Variants in TLN2 observed in about 807,000 individuals in gnomAD.
TLN2 encodes the protein talin-2.
A neutral mutation model predicts 294.7 loss-of-function variants in TLN2; 118 were observed. The observed-to-expected ratio is 0.40, with a 90% confidence interval of 0.34 to 0.47. The LOEUF (loss-of-function observed/expected upper bound fraction) is 0.47. Among genes scored for constraint, TLN2 ranks in the 20% least tolerant of loss-of-function variants. TLN2 has a pLI of 0.84. For synonymous variants in TLN2, 1,431 were observed against 1,304.5 expected (o/e 1.10, Z -2.09); for missense variants, 3,083 against 3,282.2 (o/e 0.94, Z 1.48).
intron 30 of TLN2, 125 bp from the exon 31 acceptor site, chr15:62,739,223 A>G: frequency 9.3e-7 from 1 of 1,074,834 alleles, no homozygotes; most frequent in Non-Finnish European, 1.3e-6. Flanking sequence ...GATGACTCAG[A>G]GCCTTTTAAT....
At chr15:62,551,020 A>G (rs903186116) in intron 1 of TLN2, among the ~76,000 whole-genome samples, 6 of 152,196 alleles carry the variant, frequency 3.9e-5, no homozygotes, top group African/African-American at 1.4e-4. Flanking sequence ...AGAAAGTCCC[A>G]TCTGGGGTTG....
chr15:62,788,588 G>C (rs2064861225), intron 45 of TLN2, among the ~76,000 whole-genome samples: 1 of 152,136 alleles, frequency 6.6e-6, no homozygotes, highest in Admixed American at 6.5e-5. Context: ...GTAAACCCAG[G>C]CTCAGGGAAC....
chr15:62,422,976 C>T (rs1420782068), intron 1 of TLN2, among the ~76,000 whole-genome samples: 4 of 152,194 alleles, frequency 2.6e-5, no homozygotes, highest in Admixed American at 2.6e-4. Flanking sequence ...CAGACAGCTT[C>T]CTTTGGAGGC....
At chr15:62,392,698 C>G (rs949613001) in intron 1 of TLN2, among the ~76,000 whole-genome samples, 1 of 152,112 alleles carries the variant, frequency 6.6e-6, no homozygotes, top group South Asian at 2.1e-4. Flanking sequence ...TTTGTCGGCA[C>G]TTCCGGTCTT....
At chr15:62,653,021 C>T in intron 6 of TLN2, 141 bp from the exon 7 acceptor site, 1 of 525,778 alleles carries the variant, frequency 1.9e-6, no homozygotes, top group Non-Finnish European at 3.1e-6. Flanking sequence ...TTGATGTGGC[C>T]ACCTCCCTGA....
chr15:62,416,909 C>T (rs1002787896), intron 1 of TLN2, among the ~76,000 whole-genome samples: 3 of 152,152 alleles, frequency 2.0e-5, no homozygotes, highest in Non-Finnish European at 2.9e-5. Context: ...GCTGTGATGC[C>T]ATGGCATGGG....
At chr15:62,468,961 G>T (rs2037312565) in intron 1 of TLN2, among the ~76,000 whole-genome samples, 1 of 152,118 alleles carries the variant, frequency 6.6e-6, no homozygotes, top group Non-Finnish European at 1.5e-5. Context: ...CCCAGAAAAC[G>T]GCTGCTGTAA....
At chr15:62,797,178 T>C in intron 47 of TLN2, 41 bp from the exon 48 acceptor site, 3 of 1,610,558 alleles carry the variant, frequency 1.9e-6, no homozygotes, top group Non-Finnish European at 1.7e-6. Context: ...AGCTTTGCCC[T>C]CTGTCTCTCC....
chr15:62,582,603 A>C (rs568110912), intron 1 of TLN2, among the ~76,000 whole-genome samples: 2 of 152,316 alleles, frequency 1.3e-5, no homozygotes, highest in Admixed American at 1.3e-4. Flanking sequence ...AAGAGTGGGC[A>C]TCAAAGCCCT....
intron 50 of TLN2, among the ~76,000 whole-genome samples, chr15:62,801,638 A>G (rs1319019461): frequency 2.6e-5 from 4 of 152,180 alleles, no homozygotes; most frequent in Non-Finnish European, 5.9e-5. Context: ...CATATCATTA[A>G]AGAATCTAGC....
At chr15:62,767,012 C>T (rs370544158) in intron 41 of TLN2, among the ~76,000 whole-genome samples, 9 of 152,104 alleles carry the variant, frequency 5.9e-5, no homozygotes, top group South Asian at 2.1e-4. Flanking sequence ...TCTTCAAGGA[C>T]GGTTGGCTTG....
chr15:62,744,277 G>A (rs762115452), intron 32 of TLN2, among the ~76,000 whole-genome samples: 1 of 151,978 alleles, frequency 6.6e-6, no homozygotes, highest in African/African-American at 2.4e-5. Context: ...CGGGTGTCCC[G>A]CCCTGGTACT....
chr15:62,633,782 C>T (rs2050135237), intron 3 of TLN2, among the ~76,000 whole-genome samples: 2 of 152,184 alleles, frequency 1.3e-5, no homozygotes, highest in Admixed American at 1.3e-4. Flanking sequence ...TGTCCCCTAA[C>T]AAAATACCAC....
rs148413867 is a variant in TLN2 at position 62,841,303 on chromosome 15, C to A, written c.*693C>A. ...AAAGGGCAGAGTTGCGGAAGGCCGT[C>A]GGGGCTTGGTGAGCAGGGGCTGTAA... On this transcript the variant is annotated 3_prime_UTR_variant, in exon 59 of 59. Transcript: ENST00000636159. The A allele has an allele frequency of 2.6e-5, 4 of 152,792 alleles. No homozygotes were observed. Among genetic ancestry groups the A allele is most frequent in the Admixed American group, 6.5e-5 (1 of 15,280 alleles). The allele number at this position is 152,792 out of a possible 1,614,324, so 9.5% of individuals were successfully genotyped here. A position where few individuals can be genotyped will look rare whatever the true frequency, so the allele number is the denominator to read the frequency against.
chr15:62,401,847 G>A (rs1314716661), intron 1 of TLN2, among the ~76,000 whole-genome samples: 1 of 152,114 alleles, frequency 6.6e-6, no homozygotes, highest in Non-Finnish European at 1.5e-5. Flanking sequence ...CGCTCACATG[G>A]TTATCTCTAG....
intron 3 of TLN2, among the ~76,000 whole-genome samples, chr15:62,631,567 C>CTTTCCTTTCCTTTCCTTTCCTT (rs2049867335): frequency 8.1e-6 from 1 of 123,032 alleles, no homozygotes; most frequent in African/African-American, 3.2e-5. Flanking sequence ...CTTTCCTTTC[C>CTTTCCTTTCCTTTCCTTTCCTT]TTTCCTTTCT....
intron 12 of TLN2, chr15:62,690,173 CGG>C (rs1567361007): frequency 6.4e-6 from 1 of 156,354 alleles, no homozygotes; most frequent in Non-Finnish European, 1.4e-5. Flanking sequence ...CCCTCCCGGA[CGG>C]GGTGGCTGCC....
chr15:62,560,285 G>A (rs986639835), intron 1 of TLN2, among the ~76,000 whole-genome samples: 1 of 152,172 alleles, frequency 6.6e-6, no homozygotes, highest in Non-Finnish European at 1.5e-5. Context: ...CTGCCACCCA[G>A]GCTGGAGTGC....
At chr15:62,472,712 G>A (rs2037550435) in intron 1 of TLN2, among the ~76,000 whole-genome samples, 2 of 152,198 alleles carry the variant, frequency 1.3e-5, no homozygotes, top group Non-Finnish European at 2.9e-5. Context: ...CAAAATAGTA[G>A]TGGTGAGTGT....
Sources: allele counts gnomAD v4.1 joint callset (sites outside exome capture counted in the v4.1 genomes callset), GRCh38; gene constraint gnomAD v4.1.1; transcripts MANE v1.5; gene names NCBI Gene and HGNC (gene_info 2026-07-23, HGNC 2026-07-21).